CSMD1: variants seen among roughly 807,000 people sequenced by gnomAD.
CSMD1 encodes the protein CUB and Sushi multiple domains 1.
A neutral mutation model predicts 417.5 loss-of-function variants in CSMD1; 213 were observed. The observed-to-expected ratio is 0.51, with a 90% confidence interval of 0.46 to 0.57. The LOEUF (loss-of-function observed/expected upper bound fraction) is 0.57. Among genes scored for constraint, CSMD1 ranks in the 20% least tolerant of loss-of-function variants. The pLI is 0.00. For missense variants in CSMD1, 6,923 were observed against 4,529.7 expected (o/e 1.53, Z -15.17); for synonymous variants, 2,862 against 1,736.8 (o/e 1.65, Z -16.11).
intron 4 of CSMD1, among the ~76,000 whole-genome samples, chr8:4,012,528 G>C (rs1236717686): frequency 1.3e-5 from 2 of 152,068 alleles, no homozygotes; most frequent in Non-Finnish European, 2.9e-5. Flanking sequence ...CCTACACCCA[G>C]GTAGTGATCA....
chr8:3,929,418 C>G (rs1809981883), intron 5 of CSMD1, among the ~76,000 whole-genome samples: 1 of 150,200 alleles, frequency 6.7e-6, no homozygotes, highest in Admixed American at 6.6e-5. Context: ...TTCAACCTTC[C>G]CCACATGAGA....
At chr8:4,429,743 C>T (rs551567321) in intron 2 of CSMD1, among the ~76,000 whole-genome samples, 20 of 152,180 alleles carry the variant, frequency 1.3e-4, no homozygotes, top group Admixed American at 1.3e-4. Context: ...AACCCACAGC[C>T]GTATGCTGAG....
intron 10 of CSMD1, among the ~76,000 whole-genome samples, chr8:3,573,819 T>G (rs73658202): frequency 7.2e-6 from 1 of 138,122 alleles, no homozygotes; most frequent in South Asian, 2.3e-4. Flanking sequence ...AATATTACTA[T>G]AAATATAATT....
chr8:4,192,131 T>G (rs1450334607), intron 3 of CSMD1, among the ~76,000 whole-genome samples: 1 of 152,172 alleles, frequency 6.6e-6, no homozygotes, highest in African/African-American at 2.4e-5. Context: ...ATTGCAAATA[T>G]GACGCGTCTT....
intron 3 of CSMD1, among the ~76,000 whole-genome samples, chr8:4,189,746 C>T (rs17405566): frequency 2.6e-5 from 4 of 152,002 alleles, no homozygotes; most frequent in Admixed American, 2.0e-4. Flanking sequence ...CATTAGAAAT[C>T]TTGATAAATT....
At chr8:4,320,984 C>G (rs1312810625) in intron 3 of CSMD1, among the ~76,000 whole-genome samples, 1 of 152,140 alleles carries the variant, frequency 6.6e-6, no homozygotes, top group African/African-American at 2.4e-5. Context: ...AGCATTGCCT[C>G]CTTATACCAG....
rs547157518 is a variant in CSMD1 at position 4,039,736 on chromosome 8, G to A, written c.416-7637C>T. ...AAAAGGGCAAGATTTGGCCAAATAA[G>A]AAAGATAAATTGATGTGGGGGAAGT... On this transcript the variant is annotated intron_variant, in intron 3 of 69. Coordinates refer to ENST00000635120, the MANE Select transcript of CSMD1 (RefSeq NM_033225.6). Among the ~76,000 whole-genome samples, 145 of 152,280 alleles carry A rather than the reference G, an allele frequency of 9.5e-4. 2 individuals carry two copies. Among genetic ancestry groups the A allele is most frequent in the African/African-American group, 3.4e-3 (143 of 41,564 alleles).
chr8:3,047,747 T>C (rs1811555235), intron 50 of CSMD1, among the ~76,000 whole-genome samples: 1 of 152,216 alleles, frequency 6.6e-6, no homozygotes, highest in African/African-American at 2.4e-5. Context: ...GTAATGCCAA[T>C]CCCTTTTTTG....
At chr8:4,897,648 ATAT>A (rs1379305175) in intron 1 of CSMD1, among the ~76,000 whole-genome samples, 1 of 149,036 alleles carries the variant, frequency 6.7e-6, no homozygotes, top group Non-Finnish European at 1.5e-5. Flanking sequence ...CAATAATATG[ATAT>A]TATTTATACA....
chr8:4,592,290 G>A (rs1015936000), intron 2 of CSMD1, among the ~76,000 whole-genome samples: 3 of 151,262 alleles, frequency 2.0e-5, no homozygotes, highest in Non-Finnish European at 4.4e-5. Context: ...AGTGAAAGTG[G>A]TATATTTACA....
intron 49 of CSMD1, among the ~76,000 whole-genome samples, chr8:3,078,582 G>C (rs1181740661): frequency 6.6e-6 from 1 of 152,136 alleles, no homozygotes; most frequent in Non-Finnish European, 1.5e-5. Context: ...CCAGCCTGCA[G>C]CCTGTTTTTA....
intron 1 of CSMD1, among the ~76,000 whole-genome samples, chr8:4,641,956 T>C (rs1383855863): frequency 6.6e-6 from 1 of 152,176 alleles, no homozygotes; most frequent in East Asian, 1.9e-4. Context: ...ACTTTTCTAA[T>C]CTACAGTTAA....
chr8:3,783,528 G>A (rs1331783143), intron 5 of CSMD1, among the ~76,000 whole-genome samples: 3 of 152,194 alleles, frequency 2.0e-5, no homozygotes, highest in African/African-American at 7.2e-5. Context: ...TGTGCTGAGG[G>A]TGCTGCCCCT....
chr8:4,243,630 A>C (rs1802532021), intron 3 of CSMD1, among the ~76,000 whole-genome samples: 1 of 152,162 alleles, frequency 6.6e-6, no homozygotes, highest in Non-Finnish European at 1.5e-5. Flanking sequence ...AAAACACAGA[A>C]AATTATTACA....
At chr8:4,025,028 G>C (rs1027196436) in intron 4 of CSMD1, among the ~76,000 whole-genome samples, 4 of 152,204 alleles carry the variant, frequency 2.6e-5, no homozygotes, top group East Asian at 1.9e-4. Flanking sequence ...TACATAGGTA[G>C]AATTAGGCAG....
chr8:3,923,436 G>C (rs1417891712), intron 5 of CSMD1, among the ~76,000 whole-genome samples: 1 of 151,876 alleles, frequency 6.6e-6, no homozygotes, highest in African/African-American at 2.4e-5. Flanking sequence ...TTTGCTTATT[G>C]GATCATTTGC....
chr8:4,128,693 A>C (rs1802910852), intron 3 of CSMD1, among the ~76,000 whole-genome samples: 1 of 151,818 alleles, frequency 6.6e-6, no homozygotes. Context: ...CCACAACCTC[A>C]CGCCCACACA....
chr8:4,043,361 G>C (rs1563356065), intron 3 of CSMD1, among the ~76,000 whole-genome samples: 3 of 152,272 alleles, frequency 2.0e-5, no homozygotes, highest in South Asian at 4.1e-4. Context: ...CAAACTGCAA[G>C]GTGGTAAAAT....
In CSMD1 at chr8:3,836,223, T is replaced by A. The variant is rs538488130; in HGVS notation, c.819-82181A>T. 2.6e-5 allele frequency among the ~76,000 whole-genome samples: 4 copies of A among 152,312 alleles called. No individual in the cohort carries two copies. In the East Asian group the frequency reaches 7.7e-4, roughly 29 times the overall value. ...TTTGATCATGTCATCGGACATTCTT[T>A]AAATATCTTTAATATTTGGTTATCT... On this transcript the variant is annotated intron_variant, in intron 5 of 69. Coordinates refer to ENST00000635120, the MANE Select transcript of CSMD1 (RefSeq NM_033225.6).
Sources: gnomAD v4.1 joint callset for allele counts (sites outside exome capture counted in the v4.1 genomes callset) on GRCh38, gnomAD v4.1.1 for gene constraint, MANE v1.5 for transcripts, NCBI Gene and HGNC (gene_info 2026-07-23, HGNC 2026-07-21) for gene names.